Variants in MAGI2 observed in about 807,000 individuals in gnomAD.
MAGI2 encodes membrane associated guanylate kinase, WW and PDZ domain containing 2.
In MAGI2, 35 loss-of-function variants were observed where a neutral mutation model predicts 133.3. The observed-to-expected ratio is 0.26, with a 90% confidence interval of 0.20 to 0.35. MAGI2 has a LOEUF of 0.35. Among genes scored for constraint, MAGI2 ranks in the 10% least tolerant of loss-of-function variants. MAGI2 has a pLI of 1.00. For synonymous variants in MAGI2, 729 were observed against 710.6 expected (o/e 1.03, Z -0.41); for missense variants, 1,636 against 1,863.4 (o/e 0.88, Z 2.25).
chr7:78,579,839 G>A (rs1313438341), intron 3 of MAGI2, among the ~76,000 whole-genome samples: 6 of 151,696 alleles, frequency 4.0e-5, no homozygotes, highest in Non-Finnish European at 7.4e-5. Flanking sequence ...ACTAAGAACC[G>A]ATGGGGGTTA....
At position 78,893,739 on chromosome 7, in the gene MAGI2, C is replaced by T. The variant is rs538876990; in HGVS notation, c.418+113351G>A. Among the ~76,000 whole-genome samples, 28 of 141,254 alleles carry T rather than the reference C, an allele frequency of 2.0e-4. No individual in the cohort carries two copies. In the East Asian group the frequency reaches 3.7e-3, roughly 19 times the overall value. The allele number at this position is 141,254 out of a possible 152,430, so 92.7% of individuals were successfully genotyped here. On this transcript the variant is annotated intron_variant, in intron 2 of 21. Coordinates refer to ENST00000354212, the MANE Select transcript of MAGI2 (RefSeq NM_012301.4). ...ACCGGGGCCTGTTGTGGGTTGGGGGCGGGGGAGGGATAGCATTAGGAGATA... is the reference window on the plus strand; with the variant it reads ...ACCGGGGCCTGTTGTGGGTTGGGGGTGGGGGAGGGATAGCATTAGGAGATA...
At chr7:78,711,667 G>A (rs1306973324) in intron 2 of MAGI2, among the ~76,000 whole-genome samples, 1 of 152,076 alleles carries the variant, frequency 6.6e-6, no homozygotes, top group Non-Finnish European at 1.5e-5. Flanking sequence ...GGATACTGTT[G>A]CTCTGGCATA....
chr7:79,080,072 C>G (rs1230523531), intron 1 of MAGI2, among the ~76,000 whole-genome samples: 1 of 152,060 alleles, frequency 6.6e-6, no homozygotes, highest in Non-Finnish European at 1.5e-5. Context: ...TTTCATTTCT[C>G]TCATAATTAC....
At chr7:78,561,454 A>G (rs963773985) in intron 3 of MAGI2, among the ~76,000 whole-genome samples, 1 of 152,238 alleles carries the variant, frequency 6.6e-6, no homozygotes, top group African/African-American at 2.4e-5. Flanking sequence ...GAGAGTGATC[A>G]GAAGGCAGGT....
At chr7:78,980,518 A>C (rs1187228512) in intron 2 of MAGI2, among the ~76,000 whole-genome samples, 1 of 151,834 alleles carries the variant, frequency 6.6e-6, no homozygotes, top group Non-Finnish European at 1.5e-5. Context: ...AAGGGAGTTG[A>C]ACTCAGAACG....
chr7:78,839,812 C>A (rs963517210), intron 2 of MAGI2, among the ~76,000 whole-genome samples: 2 of 151,934 alleles, frequency 1.3e-5, no homozygotes, highest in Non-Finnish European at 2.9e-5. Context: ...ATCTATGAAC[C>A]AATTAACTGT....
intron 2 of MAGI2, among the ~76,000 whole-genome samples, chr7:78,753,564 T>C (rs746314283): frequency 1.3e-5 from 2 of 151,990 alleles, no homozygotes; most frequent in Non-Finnish European, 2.9e-5. Flanking sequence ...TAGCCAAAAA[T>C]TTCCTGAATT....
At chr7:78,515,946 G>T (rs1001202618) in intron 4 of MAGI2, among the ~76,000 whole-genome samples, 1 of 151,992 alleles carries the variant, frequency 6.6e-6, no homozygotes, top group Admixed American at 6.6e-5. Context: ...TATATATATG[G>T]GGATGCCAGA....
chr7:78,511,479 TG>T (rs1795558299), intron 4 of MAGI2, among the ~76,000 whole-genome samples: 1 of 150,586 alleles, frequency 6.6e-6, no homozygotes, highest in Non-Finnish European at 1.5e-5. Context: ...AATTCTAATA[TG>T]GGTACTAAAA....
At chr7:79,189,979 A>G (rs928002596) in intron 1 of MAGI2, among the ~76,000 whole-genome samples, 1 of 151,848 alleles carries the variant, frequency 6.6e-6, no homozygotes, top group Non-Finnish European at 1.5e-5. Flanking sequence ...AAGCTGAATA[A>G]TACTCCATTG....
intron 3 of MAGI2, among the ~76,000 whole-genome samples, chr7:78,528,036 G>T (rs1337420466): frequency 6.6e-6 from 1 of 152,094 alleles, no homozygotes; most frequent in Non-Finnish European, 1.5e-5. Flanking sequence ...TTGGATAGTG[G>T]TTCAGCAGAA....
At chr7:78,420,306 A>G (rs1422692827) in intron 6 of MAGI2, among the ~76,000 whole-genome samples, 1 of 152,210 alleles carries the variant, frequency 6.6e-6, no homozygotes, top group East Asian at 1.9e-4. Flanking sequence ...CAAGAAGTAA[A>G]GAATTACTCC....
At chr7:79,063,986 GTGTGCTCAAGTAAGGATAT>G (rs1413504085) in intron 1 of MAGI2, among the ~76,000 whole-genome samples, 12 of 152,046 alleles carry the variant, frequency 7.9e-5, no homozygotes, top group Non-Finnish European at 1.5e-4. Context: ...CTTCGTGAAC[GTGTGCTCAAGTAAGGATAT>G]TGAAGATATC....
chr7:79,446,794 C>T (rs939929077), intron 1 of MAGI2, among the ~76,000 whole-genome samples: 1 of 152,020 alleles, frequency 6.6e-6, no homozygotes, highest in African/African-American at 2.4e-5. Flanking sequence ...ACTAAAAATA[C>T]AAAAACATTA....
At chr7:78,855,378 A>T (rs1304521711) in intron 2 of MAGI2, among the ~76,000 whole-genome samples, 4 of 152,156 alleles carry the variant, frequency 2.6e-5, no homozygotes, top group Admixed American at 2.6e-4. Flanking sequence ...TACATTAGGT[A>T]TATCTCCTAA....
Position 79,333,388 on chromosome 7 carries a change from AGTGCTGGGATTACAGGC to A in MAGI2, c.301+119615_301+119631del, listed in dbSNP as rs1840223015. ...TGATCCGCCTGCTTCAGCCTCCCAA[AGTGCTGGGATTACAGGC>A]GTGAGCCACCGCACCCGGCCTCATT... On this transcript the variant is annotated intron_variant, in intron 1 of 21. Transcript: ENST00000354212. 2.6e-5 allele frequency among the ~76,000 whole-genome samples: 4 copies of A among 152,214 alleles called. No homozygotes were observed. The South Asian group carries it at 8.3e-4, about 32-fold the overall frequency.
intron 2 of MAGI2, among the ~76,000 whole-genome samples, chr7:78,753,347 C>T (rs1423516343): frequency 6.6e-6 from 1 of 151,684 alleles, no homozygotes; most frequent in African/African-American, 2.4e-5. Flanking sequence ...GCTAGCTGGG[C>T]TTTGTAGCAG....
chr7:78,964,320 T>TA (rs1803120496), intron 2 of MAGI2, among the ~76,000 whole-genome samples: 1 of 152,060 alleles, frequency 6.6e-6, no homozygotes. Flanking sequence ...TATACTTTTA[T>TA]AGCATACTTT....
At chr7:78,068,954 C>A (rs1424149182) in intron 21 of MAGI2, among the ~76,000 whole-genome samples, 2 of 152,172 alleles carry the variant, frequency 1.3e-5, no homozygotes, top group African/African-American at 4.8e-5. Context: ...GTAGCACCAA[C>A]TTCTTAATAG....
Sources: allele counts gnomAD v4.1 joint callset (sites outside exome capture counted in the v4.1 genomes callset), GRCh38; gene constraint gnomAD v4.1.1; transcripts MANE v1.5; gene names NCBI Gene and HGNC (gene_info 2026-07-23, HGNC 2026-07-21).